TAOK2: variants seen among roughly 807,000 people sequenced by gnomAD.
TAOK2 encodes the protein serine/threonine-protein kinase TAO2.
In TAOK2, 42 loss-of-function variants were observed where a neutral mutation model predicts 122.5. The ratio of observed to expected loss-of-function variants is 0.34; its 90% confidence interval spans 0.27 to 0.44. The LOEUF (loss-of-function observed/expected upper bound fraction) is 0.44. Among genes scored for constraint, TAOK2 ranks in the 20% least tolerant of loss-of-function variants. The probability of loss-of-function intolerance (pLI) is 1.00; values close to 1 mark genes in which losing one functional copy is unlikely to be tolerated. For synonymous variants in TAOK2, 704 were observed against 677.6 expected, an observed-to-expected ratio of 1.04 and a Z score of -0.61; for missense variants, 1,264 against 1,644.9, an observed-to-expected ratio of 0.77 and a Z score of 4.01.
At chr16:29,975,859 C>T (rs1193034237) in intron 1 of TAOK2, among the ~76,000 whole-genome samples, 1 of 152,156 alleles carries the variant, frequency 6.6e-6, no homozygotes, top group African/African-American at 2.4e-5. Context: ...ACAACAGCTC[C>T]ATGCTGTAAT....
rs926530597 is a variant in TAOK2 at position 29,988,202 on chromosome 16, G to C, written c.*222G>C. On this transcript the variant is annotated 3_prime_UTR_variant, in exon 16 of 16. Transcript: ENST00000308893. The stretch of plus-strand genomic sequence containing the variant: ...CCTGGCGCTCCTCCCCTAAGTTATT[G>C]CTGTTCGCCCGCTGTGTGTGCTCAT... The C allele has an allele frequency of 7.0e-7, 1 of 1,433,582 alleles. No individual in the cohort carries two copies. The highest frequency in any genetic ancestry group is 9.1e-7 in the Non-Finnish European group (1 of 1,099,388). 88.8% of individuals were successfully genotyped at this position (1,433,582 alleles called of 1,614,324 possible). A position where few individuals can be genotyped will look rare whatever the true frequency, so the allele number is the denominator to read the frequency against.
chr16:29,977,224 A>G (rs974087136), intron 1 of TAOK2, among the ~76,000 whole-genome samples: 1 of 151,916 alleles, frequency 6.6e-6, no homozygotes, highest in Non-Finnish European at 1.5e-5. Flanking sequence ...GCCAGTACCC[A>G]CTTCTAACAA....
chr16:29,982,414 G>A (rs1038543455), intron 10 of TAOK2, among the ~76,000 whole-genome samples: 9 of 152,226 alleles, frequency 5.9e-5, no homozygotes, highest in African/African-American at 2.2e-4. Context: ...TTTTATAATT[G>A]TAGGATACTG....
At chr16:29,990,760 C>A, downstream of TAOK2, 1 of 1,591,146 alleles carries the variant, frequency 6.3e-7, no homozygotes, top group Admixed American at 1.7e-5. Flanking sequence ...GAGATCCCTA[C>A]AACTGGTTGT....
At position 29,986,938 on chromosome 16, in the gene TAOK2, G is replaced by C. The variant is rs759463491; in HGVS notation, c.2666G>C (p.Trp889Ser). ...CTGGATGAGGAGTTTGAGCTTGGCT[G>C]GGTCCAGGGCCCAGCACTGACTCCC... ...SLLDEEFELG[W>S]VQGPALTPVP... The change falls in exon 16 of 16, where the codon TGG becomes TCG. Residue 889 changes from tryptophan to serine, a missense_variant. Coordinates refer to ENST00000308893, the MANE Select transcript of TAOK2 (RefSeq NM_016151.4). This position sits in a 1 kb window ranked among gnomAD's most constrained non-coding sequence, Gnocchi z 4.2. The C allele has an allele frequency of 8.1e-6, 13 of 1,613,956 alleles. No individual in the cohort carries two copies. In the East Asian group the frequency reaches 2.9e-4, roughly 36 times the overall value.
intron 13 of TAOK2, 137 bp downstream of exon 13, chr16:29,983,801 C>A: frequency 7.4e-7 from 1 of 1,347,316 alleles, no homozygotes; most frequent in South Asian, 1.4e-5. Context: ...CTCCTGCCTG[C>A]TCCCCTTAAC....
rs1048372850 is a variant in TAOK2 at position 29,977,771 on chromosome 16, C to A, written c.-2C>A. The A allele has an allele frequency of 6.2e-7, 1 of 1,614,042 alleles. No individual in the cohort carries two copies. Among genetic ancestry groups the A allele is most frequent in the Non-Finnish European group, 8.5e-7 (1 of 1,179,940 alleles). On this transcript the variant is annotated 5_prime_UTR_variant, in exon 2 of 16. Coordinates refer to ENST00000308893, the MANE Select transcript of TAOK2 (RefSeq NM_016151.4). ...CCACTCTCAGGGCCCCCAGGGGCCA[C>A]CATGCCAGCTGGGGGCCGGGCCGGG...
chr16:29,991,070 G>A (rs1414648232), downstream of TAOK2: 2 of 1,579,324 alleles, frequency 1.3e-6, no homozygotes, highest in Admixed American at 1.7e-5. The surrounding 1 kb of genome is among the most constrained non-coding windows in gnomAD (Gnocchi z 5.6). Flanking sequence ...TGCTGGCCCT[G>A]CAGACAGGAC....
chr16:29,991,513 G>A (rs542225607), downstream of TAOK2: 83 of 1,480,970 alleles, frequency 5.6e-5, no homozygotes, highest in South Asian at 1.9e-4. This position sits in a 1 kb window ranked among gnomAD's most constrained non-coding sequence, Gnocchi z 5.6. Context: ...CCCCTGAGCC[G>A]CAGCACCAGT....
In TAOK2 at chr16:29,983,053, G is replaced by A; in HGVS notation, c.1000-19G>A. ...AGGGCTTCCCCTTCCCTGTCCAGCA[G>A]CCTACGCCCTGTTCGCAGGAGGCCG... On this transcript the variant is annotated intron_variant, in intron 11 of 15. Coordinates refer to ENST00000308893, the MANE Select transcript of TAOK2 (RefSeq NM_016151.4). 1.2e-6 allele frequency: 2 copies of A among 1,613,580 alleles called. No individual in the cohort carries two copies. The highest frequency in any genetic ancestry group is 2.7e-5 in the African/African-American group (2 of 75,002).
At chr16:29,991,173 G>A (rs550264338), downstream of TAOK2, 5 of 1,611,212 alleles carry the variant, frequency 3.1e-6, 1 homozygote, top group South Asian at 5.5e-5. The surrounding 1 kb of genome is among the most constrained non-coding windows in gnomAD (Gnocchi z 5.6). Context: ...CTCCAGCATG[G>A]CTCTGGGGGG....
At chr16:29,984,151 T>C (rs2069709366) in intron 13 of TAOK2, among the ~76,000 whole-genome samples, 1 of 152,150 alleles carries the variant, frequency 6.6e-6, no homozygotes, top group Admixed American at 6.5e-5. Context: ...TGTTCAGATA[T>C]CTGTCTCATG....
intron 4 of TAOK2, 46 bp downstream of exon 4, chr16:29,978,399 C>T (rs2069520107): frequency 6.3e-7 from 1 of 1,583,466 alleles, no homozygotes. Context: ...CCTATTCATG[C>T]CCGTCCTTAT....
downstream of TAOK2, chr16:29,988,960 C>A (rs1396389141): frequency 8.7e-5 from 86 of 985,224 alleles, no homozygotes; most frequent in Non-Finnish European, 1.0e-4. Context: ...CCCTTTCTGG[C>A]CACCTCCTTT....
chr16:29,984,502 G>T (rs2069719801), intron 13 of TAOK2, among the ~76,000 whole-genome samples: 1 of 152,160 alleles, frequency 6.6e-6, no homozygotes, highest in African/African-American at 2.4e-5. Context: ...TGTTCTTATG[G>T]CCTCTGCTTG....
At chr16:29,984,994 C>A in intron 13 of TAOK2, 1 of 475,180 alleles carries the variant, frequency 2.1e-6, no homozygotes, top group Non-Finnish European at 3.4e-6. Flanking sequence ...GCCCTGTGCT[C>A]GCCACCTTTT....
In TAOK2 at chr16:29,986,864, G is replaced by A; in HGVS notation, c.2592G>A (p.Gln864=). Residue 864 remains glutamine (Q), a synonymous_variant, in exon 16 of 16, where the codon CAG becomes CAA. Transcript: ENST00000308893. This position sits in a 1 kb window ranked among gnomAD's most constrained non-coding sequence, Gnocchi z 4.2. ...CCCAGGAGAGGAGCATTGTTGGCCA[G>A]GAGGAGGCTGGGACATGGAGCTTGT... is the stretch of plus-strand genomic sequence containing the variant. ...LVPQERSIVG[Q]EEAGTWSLWG... 6.2e-7 allele frequency: 1 copy of A among 1,614,072 alleles called. No individual in the cohort carries two copies. Among genetic ancestry groups the A allele is most frequent in the South Asian group, 1.1e-5 (1 of 91,082 alleles).
chr16:29,977,909 GTT>G lies in TAOK2; in HGVS notation c.132+6_132+7del, dbSNP rs1461340747. 1 of 1,614,164 alleles carries G rather than the reference GTT, an allele frequency of 6.2e-7. No homozygotes were observed. The highest frequency in any genetic ancestry group is 8.5e-7 in the Non-Finnish European group (1 of 1,180,012). On this transcript the variant is annotated splice_donor_region_variant and intron_variant, in intron 2 of 15. Coordinates refer to ENST00000308893, the MANE Select transcript of TAOK2 (RefSeq NM_016151.4). ...AGCTTTGGAGCCGTATACTTTGTGA[GTT>G]GGGTCTTGGGAGGGTGTAATAGGGA...
chr16:29,981,160 C>T (rs1255064538), intron 8 of TAOK2: 2 of 200,350 alleles, frequency 1.0e-5, no homozygotes. Flanking sequence ...TCTGAATTCC[C>T]TGAAGATATG....
Sources: gnomAD v4.1 joint callset for allele counts (sites outside exome capture counted in the v4.1 genomes callset) on GRCh38, gnomAD v4.1.1 for gene constraint, Gnocchi (gnomAD v3.1) non-coding constraint, MANE v1.5 for transcripts, NCBI Gene and HGNC (gene_info 2026-07-23, HGNC 2026-07-21) for gene names.